Variants in SORCS1 observed in about 807,000 individuals in gnomAD.
The protein encoded by SORCS1 is sortilin related VPS10 domain containing receptor 1, also known as VPS10 domain-containing receptor SorCS1.
SORCS1 carries 60 observed loss-of-function variants against 146.1 expected under a neutral mutation model. The observed-to-expected ratio is 0.41, with a 90% CI of 0.33 to 0.51. The LOEUF is 0.51. SORCS1 is among the 20% of genes least tolerant of loss of function. SORCS1 has a pLI of 0.21. For synonymous variants in SORCS1, 637 were observed against 584.0 expected (o/e 1.09, Z -1.31); for missense variants, 1,352 against 1,487.6 (o/e 0.91, Z 1.50).
chr10:106,917,797 A>T (rs1012811268), intron 2 of SORCS1, among the ~76,000 whole-genome samples: 3 of 152,156 alleles, frequency 2.0e-5, no homozygotes, highest in African/African-American at 7.2e-5. Flanking sequence ...AGTCCCTCAG[A>T]CTCTGAGAGA....
intron 1 of SORCS1, among the ~76,000 whole-genome samples, chr10:107,077,746 G>C (rs1156416104): frequency 1.3e-5 from 2 of 151,872 alleles, no homozygotes; most frequent in Non-Finnish European, 2.9e-5. Context: ...TCTGACTCCA[G>C]AGTTTTCCCT....
At chr10:106,824,270 G>A (rs1276630297) in intron 3 of SORCS1, among the ~76,000 whole-genome samples, 1 of 146,756 alleles carries the variant, frequency 6.8e-6, no homozygotes, top group African/African-American at 2.5e-5. Flanking sequence ...CTCCAGCCTA[G>A]GCAACAGAGC....
intron 1 of SORCS1, among the ~76,000 whole-genome samples, chr10:107,135,488 T>C (rs568867786): frequency 2.6e-5 from 4 of 152,224 alleles, no homozygotes; most frequent in Non-Finnish European, 4.4e-5. Context: ...GTAACTTTAA[T>C]TGTATCAAAT....
intron 1 of SORCS1, among the ~76,000 whole-genome samples, chr10:107,059,794 C>A (rs1157668398): frequency 6.6e-6 from 1 of 152,060 alleles, no homozygotes; most frequent in East Asian, 1.9e-4. Flanking sequence ...ATCCTTCTAC[C>A]ATCAAGCAGG....
chr10:106,813,128 CTTTTT>C (rs71025557), intron 3 of SORCS1, among the ~76,000 whole-genome samples: 1 of 98,746 alleles, frequency 1.0e-5, no homozygotes, highest in Non-Finnish European at 2.0e-5. Context: ...CTTCTCTTTT[CTTTTT>C]TTTTTTTTTT....
chr10:106,988,287 G>A (rs908600105), intron 1 of SORCS1, among the ~76,000 whole-genome samples: 6 of 152,038 alleles, frequency 3.9e-5, no homozygotes, highest in Non-Finnish European at 8.8e-5. Context: ...CTTTAAAATT[G>A]TTATTTTTTC....
At chr10:106,796,425 A>T (rs1309902874) in intron 3 of SORCS1, among the ~76,000 whole-genome samples, 1 of 152,154 alleles carries the variant, frequency 6.6e-6, no homozygotes, top group East Asian at 1.9e-4. Context: ...CAGTCCCTTT[A>T]TCAAATTTGT....
At chr10:106,627,662 A>G (rs1339270515) in intron 19 of SORCS1, among the ~76,000 whole-genome samples, 2 of 152,200 alleles carry the variant, frequency 1.3e-5, no homozygotes, top group Non-Finnish European at 2.9e-5. Context: ...AGTTAGATGG[A>G]CAGGAGCCCC....
At chr10:106,836,146 C>T (rs1307638498) in intron 2 of SORCS1, among the ~76,000 whole-genome samples, 1 of 152,012 alleles carries the variant, frequency 6.6e-6, no homozygotes, top group African/African-American at 2.4e-5. Context: ...ATAAGGAAGA[C>T]TAAAAAGTGT....
intron 2 of SORCS1, among the ~76,000 whole-genome samples, chr10:106,904,225 T>A (rs9664613): frequency 0.08 from 12,151 of 152,258 alleles, 1,082 homozygotes; most frequent in African/African-American, 0.21. Context: ...TTGCCAAATT[T>A]AGCAGATTTA....
intron 1 of SORCS1, among the ~76,000 whole-genome samples, chr10:107,039,338 A>G (rs1232545419): frequency 2.0e-5 from 3 of 151,718 alleles, no homozygotes; most frequent in Admixed American, 6.6e-5. Context: ...TAAAGAAAAA[A>G]AAAAAAAAAA....
chr10:106,954,204 G>T (rs989113900), intron 2 of SORCS1, among the ~76,000 whole-genome samples: 2 of 152,164 alleles, frequency 1.3e-5, no homozygotes, highest in African/African-American at 4.8e-5. Context: ...CTCTGTCCCA[G>T]TGAGACAAAA....
intron 2 of SORCS1, among the ~76,000 whole-genome samples, chr10:106,932,741 C>T (rs1042747684): frequency 6.6e-6 from 1 of 152,222 alleles, no homozygotes; most frequent in Non-Finnish European, 1.5e-5. Flanking sequence ...TCAAGGTGAG[C>T]ACTCCCCTCG....
rs146277975 is a variant in SORCS1, at chr10:106,932,876, T to C, written c.626+23637A>G. 3.6e-4 allele frequency among the ~76,000 whole-genome samples: 55 copies of C among 152,292 alleles called. 1 individual carries two copies. The highest frequency in any genetic ancestry group is 3.4e-3 in the Middle Eastern group (1 of 294). On this transcript the variant is annotated intron_variant, in intron 2 of 25. Coordinates refer to ENST00000263054, the MANE Select transcript of SORCS1 (RefSeq NM_052918.5). ...CTCCTCACTTTATAATGTTATAGAATGATTATCAATAGCTGTGATTCTGAA... is the reference window on the plus strand; with the variant it reads ...CTCCTCACTTTATAATGTTATAGAACGATTATCAATAGCTGTGATTCTGAA...
At chr10:107,040,844 G>A (rs573613670) in intron 1 of SORCS1, among the ~76,000 whole-genome samples, 4 of 152,242 alleles carry the variant, frequency 2.6e-5, no homozygotes, top group Non-Finnish European at 4.4e-5. Context: ...GTATTTACCA[G>A]CGTTGGAAAT....
At chr10:107,145,052 T>C (rs1968194498) in intron 1 of SORCS1, among the ~76,000 whole-genome samples, 2 of 152,250 alleles carry the variant, frequency 1.3e-5, no homozygotes, top group South Asian at 2.1e-4. Context: ...ATAATCTCTA[T>C]CTTCCAGTGG....
intron 1 of SORCS1, among the ~76,000 whole-genome samples, chr10:107,013,007 G>C (rs1005865455): frequency 1.3e-5 from 2 of 152,080 alleles, no homozygotes; most frequent in African/African-American, 4.8e-5. Flanking sequence ...CCTATTATCT[G>C]TCAATGTGTC....
intron 6 of SORCS1, among the ~76,000 whole-genome samples, chr10:106,716,864 G>A (rs821946): frequency 0.8 from 121,675 of 152,008 alleles, 51,232 homozygotes; most frequent in Non-Finnish European, 0.94. Context: ...GGCCGGGCTC[G>A]GTGATTCACA....
At chr10:106,712,132 C>T (rs1040009193) in intron 6 of SORCS1, among the ~76,000 whole-genome samples, 2 of 152,166 alleles carry the variant, frequency 1.3e-5, no homozygotes, top group Admixed American at 6.5e-5. Context: ...AGGAAGAAGA[C>T]TTGAATCAGA....
Sources: allele counts gnomAD v4.1 joint callset (sites outside exome capture counted in the v4.1 genomes callset), GRCh38; gene constraint gnomAD v4.1.1; transcripts MANE v1.5; gene names NCBI Gene and HGNC (gene_info 2026-07-23, HGNC 2026-07-21).